SLC35F3: variants seen among roughly 807,000 people sequenced by gnomAD.
The protein encoded by SLC35F3 is solute carrier family 35 member F3.
In SLC35F3, 25 loss-of-function variants were observed where a neutral mutation model predicts 49.9. The observed-to-expected ratio is 0.50, with a 90% confidence interval of 0.37 to 0.70. SLC35F3 has a LOEUF of 0.70. Among genes scored for constraint, SLC35F3 ranks in the 30% least tolerant of loss-of-function variants. The pLI is 0.00. For missense variants in SLC35F3, 525 were observed against 639.8 expected (o/e 0.82, Z 1.94); for synonymous variants, 275 against 265.4 (o/e 1.04, Z -0.35).
chr1:234,214,769 C>A lies in SLC35F3; in HGVS notation c.284-16648C>A. On this transcript the variant is annotated intron_variant, in intron 2 of 7. Coordinates refer to ENST00000366618, the MANE Select transcript of SLC35F3 (RefSeq NM_173508.4). The surrounding 1 kb of genome is among the most constrained non-coding windows in gnomAD (Gnocchi z 8.0). ...TCAGGGGCTGCCCTGAGCTCCCTGG[C>A]GAGCAGGAGTGAGCTGCTGCGGCGA... 1 of 687,398 alleles carries A rather than the reference C, an allele frequency of 1.5e-6. No individual in the cohort carries two copies. The highest frequency in any genetic ancestry group is 2.9e-5 in the South Asian group (1 of 35,056). 42.6% of individuals were successfully genotyped at this position (687,398 alleles called of 1,614,324 possible). A position where few individuals can be genotyped will look rare whatever the true frequency, so the allele number is the denominator to read the frequency against.
At chr1:233,930,073 T>A (rs904468808) in intron 2 of SLC35F3, among the ~76,000 whole-genome samples, 1 of 151,916 alleles carries the variant, frequency 6.6e-6, no homozygotes, top group African/African-American at 2.4e-5. Flanking sequence ...CTCTTGAGTT[T>A]ATGAGTTTGA....
chr1:233,991,978 A>C (rs1318545667), intron 2 of SLC35F3, among the ~76,000 whole-genome samples: 1 of 152,214 alleles, frequency 6.6e-6, no homozygotes, highest in Non-Finnish European at 1.5e-5. Flanking sequence ...TTAATGGATA[A>C]TTGCTCAAGC....
chr1:234,293,503 G>A (rs1030039639), intron 3 of SLC35F3, among the ~76,000 whole-genome samples: 1 of 152,232 alleles, frequency 6.6e-6, no homozygotes, highest in African/African-American at 2.4e-5. Context: ...ATCACATGCA[G>A]GGCCAGGGAG....
At chr1:234,219,272 A>G (rs1237393311) in intron 2 of SLC35F3, among the ~76,000 whole-genome samples, 1 of 152,098 alleles carries the variant, frequency 6.6e-6, no homozygotes, top group Non-Finnish European at 1.5e-5. Context: ...TGCTCAATTA[A>G]TAGTATATAA....
chr1:234,267,718 A>C (rs1191341536), intron 3 of SLC35F3, among the ~76,000 whole-genome samples: 3 of 149,220 alleles, frequency 2.0e-5, no homozygotes, highest in Non-Finnish European at 3.0e-5. Flanking sequence ...TGCCGGACGG[A>C]GGGGCTCCTC....
At chr1:234,195,074 A>G (rs926215794) in intron 2 of SLC35F3, among the ~76,000 whole-genome samples, 1 of 152,320 alleles carries the variant, frequency 6.6e-6, no homozygotes, top group Non-Finnish European at 1.5e-5. Flanking sequence ...ACTGCACTCA[A>G]GCTCTGGGAG....
At chr1:234,287,866 T>A (rs956589989) in intron 3 of SLC35F3, among the ~76,000 whole-genome samples, 1 of 152,220 alleles carries the variant, frequency 6.6e-6, no homozygotes, top group Non-Finnish European at 1.5e-5. Flanking sequence ...GAAAGACTAT[T>A]GCCTTGAACT....
intron 2 of SLC35F3, among the ~76,000 whole-genome samples, chr1:234,154,425 T>C (rs1182196745): frequency 6.6e-6 from 1 of 152,224 alleles, no homozygotes; most frequent in Non-Finnish European, 1.5e-5. Flanking sequence ...TATTTCTTAG[T>C]TCAACTGCCA....
At chr1:234,084,069 C>G (rs1180411719) in intron 2 of SLC35F3, among the ~76,000 whole-genome samples, 1 of 152,040 alleles carries the variant, frequency 6.6e-6, no homozygotes, top group African/African-American at 2.4e-5. Flanking sequence ...GAACTCCCAA[C>G]CTCAGGTGAT....
At chr1:233,969,971 C>T (rs1662966441) in intron 2 of SLC35F3, among the ~76,000 whole-genome samples, 1 of 152,198 alleles carries the variant, frequency 6.6e-6, no homozygotes, top group Non-Finnish European at 1.5e-5. Flanking sequence ...CCTGGGAGCC[C>T]TGACCAATGA....
intron 3 of SLC35F3, among the ~76,000 whole-genome samples, chr1:234,256,590 G>A (rs1667824919): frequency 6.6e-6 from 1 of 152,124 alleles, no homozygotes; most frequent in Non-Finnish European, 1.5e-5. Flanking sequence ...CACTGACCAC[G>A]GAGTGGTTCT....
chr1:234,111,865 A>G (rs1302823137), intron 2 of SLC35F3, among the ~76,000 whole-genome samples: 1 of 152,260 alleles, frequency 6.6e-6, no homozygotes, highest in Non-Finnish European at 1.5e-5. Flanking sequence ...GAACACAGCA[A>G]GATGTTTAGG....
At chr1:234,143,829 G>C (rs1374179967) in intron 2 of SLC35F3, among the ~76,000 whole-genome samples, 1 of 152,168 alleles carries the variant, frequency 6.6e-6, no homozygotes, top group East Asian at 1.9e-4. Flanking sequence ...GAACATGGGG[G>C]TTGCAGACAT....
chr1:234,214,752 T>G lies in SLC35F3; in HGVS notation c.284-16665T>G. ...GGGGGGATCTGGCAGCTTCAGGGGC[T>G]GCCCTGAGCTCCCTGGCGAGCAGGA... On this transcript the variant is annotated intron_variant, in intron 2 of 7. Coordinates refer to ENST00000366618, the MANE Select transcript of SLC35F3 (RefSeq NM_173508.4). The surrounding 1 kb of genome is among the most constrained non-coding windows in gnomAD (Gnocchi z 8.0). 3.7e-6 allele frequency: 3 copies of G among 801,810 alleles called. No homozygotes were observed. The highest frequency in any genetic ancestry group is 3.6e-6 in the Non-Finnish European group (2 of 557,938). 49.7% of individuals were successfully genotyped at this position (801,810 alleles called of 1,614,324 possible).
chr1:234,159,213 G>A (rs780748694), intron 2 of SLC35F3, among the ~76,000 whole-genome samples: 23 of 152,116 alleles, frequency 1.5e-4, no homozygotes, highest in Non-Finnish European at 2.6e-4. Flanking sequence ...GCCATTCTCA[G>A]TATTTCTAAG....
At chr1:234,143,932 G>A (rs1300289254) in intron 2 of SLC35F3, among the ~76,000 whole-genome samples, 1 of 152,140 alleles carries the variant, frequency 6.6e-6, no homozygotes, top group Non-Finnish European at 1.5e-5. Flanking sequence ...GTTTACAGGG[G>A]TCACAGGGTA....
chr1:234,147,672 G>A (rs1666018556), intron 2 of SLC35F3, among the ~76,000 whole-genome samples: 1 of 152,186 alleles, frequency 6.6e-6, no homozygotes, highest in Non-Finnish European at 1.5e-5. Flanking sequence ...TCAGGTTGAG[G>A]AATAAACTCT....
Position 234,214,115 on chromosome 1 carries a change from G to T in SLC35F3, c.284-17302G>T. 1 of 997,532 alleles carries T rather than the reference G, an allele frequency of 1.0e-6. No individual in the cohort carries two copies. Among genetic ancestry groups the T allele is most frequent in the Non-Finnish European group, 1.2e-6 (1 of 829,982 alleles). 61.8% of individuals were successfully genotyped at this position (997,532 alleles called of 1,614,324 possible). On this transcript the variant is annotated intron_variant, in intron 2 of 7. Transcript: ENST00000366618. This position sits in a 1 kb window ranked among gnomAD's most constrained non-coding sequence, Gnocchi z 8.0. ...AGAGGCTGCAGTCAGGACCTGGCTG[G>T]GAGGAAGACAGGGATGAGGGCTGCG...
At chr1:234,204,005 T>G (rs983984957) in intron 2 of SLC35F3, among the ~76,000 whole-genome samples, 1 of 152,248 alleles carries the variant, frequency 6.6e-6, no homozygotes, top group African/African-American at 2.4e-5. Flanking sequence ...GTCAAATGCA[T>G]GCCTTTTTTC....
Sources: gnomAD v4.1 joint callset for allele counts (sites outside exome capture counted in the v4.1 genomes callset) on GRCh38, gnomAD v4.1.1 for gene constraint, Gnocchi (gnomAD v3.1) non-coding constraint, MANE v1.5 for transcripts, NCBI Gene and HGNC (gene_info 2026-07-23, HGNC 2026-07-21) for gene names.